The following PIK3C2A variants were observed in gnomAD, a reference collection of about 807,000 sequenced individuals.
PIK3C2A encodes the protein phosphatidylinositol 4-phosphate 3-kinase C2 domain-containing subunit alpha.
PIK3C2A carries 97 observed loss-of-function variants against 204.5 expected under a neutral mutation model. The ratio of observed to expected loss-of-function variants is 0.47; its 90% CI spans 0.40 to 0.56. The LOEUF is 0.56. Among genes scored for constraint, PIK3C2A ranks in the 20% least tolerant of loss-of-function variants. PIK3C2A has a pLI of 0.00. For missense variants in PIK3C2A, 1,735 were observed against 1,969.2 expected, an observed-to-expected ratio of 0.88 and a Z score of 2.25; for synonymous variants, 653 against 664.4, an observed-to-expected ratio of 0.98 and a Z score of 0.26.
chr11:17,089,840 C>T lies in PIK3C2A; in HGVS notation c.4959G>A (p.Arg1653=), dbSNP rs749657192. The T allele has an allele frequency of 5.6e-6, 9 of 1,613,690 alleles. No individual in the cohort carries two copies. The highest frequency in any genetic ancestry group is 6.8e-6 in the Non-Finnish European group (8 of 1,179,620). Residue 1653 remains arginine (R), a synonymous_variant, in exon 33 of 33, where the codon CGG becomes CGA. Transcript: ENST00000691414. ...TTACTCCACCCAAGAAAAAATTCTC[C>T]CGCAGAGATTCTGCACTGAGTACAC... ...QLSVLSAESL[R]ENFFLGGVTL...
chr11:17,117,504 C>G lies in PIK3C2A; in HGVS notation c.3203G>C (p.Gly1068Ala). 2 of 1,612,132 alleles carry G rather than the reference C, an allele frequency of 1.2e-6. No individual in the cohort carries two copies. The highest frequency in any genetic ancestry group is 1.7e-6 in the Non-Finnish European group (2 of 1,178,504). The part of the protein sequence containing the change: ...GVAEKVRQAS[G>A]SARQVVLQRS... ...ATGGGTACATACCTGTCTGGCTGAT[C>G]CACTAGCCTGCCTTACTTTTTCTGC... The change falls in exon 19 of 33, where the codon GGA becomes GCA. Residue 1068 changes from glycine to alanine, a missense_variant. This residue lies in a region of PIK3C2A where 567 missense variants were observed against 576.0 expected (regional missense o/e 0.98). Transcript: ENST00000691414.
intron 22 of PIK3C2A, 59 bp downstream of exon 22, chr11:17,110,373 C>A: frequency 4.5e-6 from 6 of 1,332,720 alleles, no homozygotes; most frequent in South Asian, 2.8e-5. Context: ...ACGGCAGGTA[C>A]ACTTTAAGCT....
chr11:17,205,641 A>T (rs966529834), intron 1 of PIK3C2A, among the ~76,000 whole-genome samples: 2 of 152,194 alleles, frequency 1.3e-5, no homozygotes, highest in East Asian at 3.8e-4. Context: ...GTGCTTACTT[A>T]AATGCAAAAC....
chr11:17,142,856 G>A (rs1365900369), intron 8 of PIK3C2A, among the ~76,000 whole-genome samples: 1 of 152,074 alleles, frequency 6.6e-6, no homozygotes, highest in African/African-American at 2.4e-5. Flanking sequence ...ATAAGAGAAT[G>A]GGAAGAAAGG....
At chr11:17,121,503 G>A (rs572553316) in intron 15 of PIK3C2A, among the ~76,000 whole-genome samples, 1 of 152,262 alleles carries the variant, frequency 6.6e-6, no homozygotes, top group African/African-American at 2.4e-5. Context: ...TTATATAACT[G>A]CAAATGGCAC....
rs765735606 is a variant in PIK3C2A, at chr11:17,117,483, G to A, written c.3216+8C>T. The A allele has an allele frequency of 1.9e-6, 3 of 1,591,492 alleles. No individual in the cohort carries two copies. Among genetic ancestry groups the A allele is most frequent in the African/African-American group, 1.3e-5 (1 of 74,448 alleles). ...AACACATTTATATTACCTTTTATGGGTACATACCTGTCTGGCTGATCCACT... is the reference window on the plus strand; with the variant it reads ...AACACATTTATATTACCTTTTATGGATACATACCTGTCTGGCTGATCCACT... On this transcript the variant is annotated splice_region_variant and intron_variant, in intron 19 of 32. Transcript: ENST00000691414.
chr11:17,207,426 A>C (rs917528073), intron 1 of PIK3C2A, among the ~76,000 whole-genome samples: 9 of 152,070 alleles, frequency 5.9e-5, no homozygotes, highest in African/African-American at 2.2e-4. Flanking sequence ...TACAACACAC[A>C]CACTCGCCAG....
intron 32 of PIK3C2A, among the ~76,000 whole-genome samples, chr11:17,090,489 A>G (rs1003167042): frequency 6.6e-6 from 1 of 151,972 alleles, no homozygotes; most frequent in Non-Finnish European, 1.5e-5. Flanking sequence ...AAAATAATAT[A>G]ATAATAATAA....
chr11:17,142,476 A>C (rs923280469), intron 8 of PIK3C2A, among the ~76,000 whole-genome samples: 1 of 152,240 alleles, frequency 6.6e-6, no homozygotes, highest in African/African-American at 2.4e-5. Context: ...TATTTCAAAA[A>C]GAAAGACATG....
intron 8 of PIK3C2A, among the ~76,000 whole-genome samples, chr11:17,140,144 G>A (rs1850012466): frequency 6.6e-6 from 1 of 152,186 alleles, no homozygotes; most frequent in Non-Finnish European, 1.5e-5. Context: ...GCTGGGCACA[G>A]TGGTGTGTGG....
intron 13 of PIK3C2A, among the ~76,000 whole-genome samples, chr11:17,123,441 TAGAGA>T (rs1312927978): frequency 6.9e-6 from 1 of 144,166 alleles, no homozygotes; most frequent in African/African-American, 2.6e-5. Context: ...TTTTTTTTTG[TAGAGA>T]AGGGGTTTCG....
intron 24 of PIK3C2A, 67 bp from the exon 25 acceptor site, chr11:17,101,501 A>T: frequency 1.2e-6 from 1 of 821,756 alleles, no homozygotes; most frequent in Middle Eastern, 2.5e-4. Context: ...CTATTACATG[A>T]TTATTAAACT....
intron 28 of PIK3C2A, 99 bp downstream of exon 28, chr11:17,094,162 G>A (rs1455010963): frequency 2.5e-5 from 20 of 808,400 alleles, no homozygotes; most frequent in Non-Finnish European, 3.8e-5. Flanking sequence ...ACACATGGCC[G>A]ATAATATCTT....
chr11:17,171,035 G>A (rs1003321866), intron 1 of PIK3C2A, among the ~76,000 whole-genome samples: 9 of 151,990 alleles, frequency 5.9e-5, no homozygotes, highest in East Asian at 1.9e-4. Flanking sequence ...CCCGGGAGGC[G>A]GAGCTTGCAG....
intron 1 of PIK3C2A, among the ~76,000 whole-genome samples, chr11:17,196,635 T>C (rs1368057541): frequency 1.3e-5 from 2 of 152,092 alleles, no homozygotes; most frequent in Non-Finnish European, 1.5e-5. Context: ...AGTGGCTCGA[T>C]CTCCGCTCAC....
At chr11:17,151,866 TA>T (rs1051377456) in intron 3 of PIK3C2A, among the ~76,000 whole-genome samples, 13 of 152,194 alleles carry the variant, frequency 8.5e-5, no homozygotes, top group Non-Finnish European at 1.6e-4. Context: ...CTTTTCTTTA[TA>T]AATTACTCAG....
At chr11:17,166,586 T>A (rs928702099) in intron 2 of PIK3C2A, among the ~76,000 whole-genome samples, 3 of 152,226 alleles carry the variant, frequency 2.0e-5, no homozygotes, top group Non-Finnish European at 4.4e-5. Flanking sequence ...CAAGACAATC[T>A]ATTGTAGCTA....
chr11:17,150,598 A>C lies in PIK3C2A; in HGVS notation c.1227T>G (p.Ser409Arg). The stretch of plus-strand genomic sequence containing the variant: ...ATATGTTTCTTTGTGCTGTGACTGG[A>C]CTTAACAAATAGCCTGGGTTTGTGC... ...NHRTNPGYLL[S>R]PVTAQRNICG... Residue 409 changes from serine to arginine, a missense_variant, in exon 4 of 33, where the codon AGT becomes AGG. This residue lies in a region of PIK3C2A where 536 missense variants were observed against 546.7 expected (regional missense o/e 0.98). Transcript: ENST00000691414. 1 of 1,611,858 alleles carries C rather than the reference A, an allele frequency of 6.2e-7. No homozygotes were observed. Among genetic ancestry groups the C allele is most frequent in the South Asian group, 1.1e-5 (1 of 90,940 alleles).
At chr11:17,128,591 A>G (rs750850429) in intron 13 of PIK3C2A, among the ~76,000 whole-genome samples, 2 of 152,210 alleles carry the variant, frequency 1.3e-5, no homozygotes, top group Non-Finnish European at 2.9e-5. Flanking sequence ...GAATGCACCC[A>G]TGTGCTGAAT....
Sources: allele counts gnomAD v4.1 joint callset (sites outside exome capture counted in the v4.1 genomes callset), GRCh38; gene constraint gnomAD v4.1.1; regional missense constraint gnomAD v4.1.1; transcripts MANE v1.5; gene names NCBI Gene and HGNC (gene_info 2026-07-23, HGNC 2026-07-21).